SLC9A9: variants seen among roughly 807,000 people sequenced by gnomAD.
SLC9A9 encodes the protein sodium/hydrogen exchanger 9.
SLC9A9 carries 62 observed loss-of-function variants against 77.8 expected under a neutral mutation model. The ratio of observed to expected loss-of-function variants is 0.80; its 90% CI spans 0.65 to 0.98. The LOEUF (loss-of-function observed/expected upper bound fraction) is 0.98, where lower values mean the gene tolerates loss of function less well. SLC9A9 is among the 50% of genes least tolerant of loss of function. The probability of loss-of-function intolerance (pLI) is 0.00; values close to 1 mark genes in which losing one functional copy is unlikely to be tolerated. For synonymous variants in SLC9A9, 320 were observed against 283.5 expected (o/e 1.13, Z -1.29); for missense variants, 775 against 774.9 (o/e 1.00, Z 0.00).
At chr3:143,821,431 T>C (rs6773087) in intron 2 of SLC9A9, among the ~76,000 whole-genome samples, 149,756 of 152,350 alleles carry the variant, frequency 0.98, 73,616 homozygotes, top group East Asian at 1. Flanking sequence ...TTAGATCTAA[T>C]CATAGAACTT....
At chr3:143,413,097 T>C (rs1490486728) in intron 12 of SLC9A9, among the ~76,000 whole-genome samples, 1 of 152,130 alleles carries the variant, frequency 6.6e-6, no homozygotes, top group Non-Finnish European at 1.5e-5. Context: ...ATGGTGATGT[T>C]ATTGAACAGA....
intron 5 of SLC9A9, among the ~76,000 whole-genome samples, chr3:143,666,821 A>G (rs1041419390): frequency 2.0e-5 from 3 of 152,142 alleles, no homozygotes; most frequent in Admixed American, 6.5e-5. Context: ...ACTGCTCAAC[A>G]AAATAAAAGA....
chr3:143,756,244 C>A (rs979559914), intron 4 of SLC9A9, among the ~76,000 whole-genome samples: 1 of 152,180 alleles, frequency 6.6e-6, no homozygotes, highest in Non-Finnish European at 1.5e-5. Flanking sequence ...CATAACTAGA[C>A]CTCAGGTTTC....
intron 6 of SLC9A9, among the ~76,000 whole-genome samples, chr3:143,625,678 G>A (rs576919163): frequency 6.2e-4 from 94 of 152,242 alleles, no homozygotes; most frequent in Admixed American, 2.0e-3. Flanking sequence ...GAAAACCTAG[G>A]CAATACCATT....
At chr3:143,452,430 G>A (rs1369698949) in intron 12 of SLC9A9, among the ~76,000 whole-genome samples, 4 of 148,234 alleles carry the variant, frequency 2.7e-5, no homozygotes, top group Non-Finnish European at 5.9e-5. Flanking sequence ...CCAGGGTGTG[G>A]AATAGTGTAT....
chr3:143,448,016 GA>G (rs1246744127), intron 12 of SLC9A9, among the ~76,000 whole-genome samples: 70 of 152,294 alleles, frequency 4.6e-4, no homozygotes, highest in African/African-American at 1.2e-3. Flanking sequence ...AAGAATGGGG[GA>G]TGGAGGATGG....
intron 12 of SLC9A9, among the ~76,000 whole-genome samples, chr3:143,437,957 T>C (rs1348341232): frequency 6.6e-6 from 1 of 152,250 alleles, no homozygotes; most frequent in Non-Finnish European, 1.5e-5. Context: ...AGGGGAGTTG[T>C]TAGCTTGGCA....
chr3:143,750,557 C>G (rs1251125312), intron 4 of SLC9A9, among the ~76,000 whole-genome samples: 1 of 152,102 alleles, frequency 6.6e-6, no homozygotes, highest in Non-Finnish European at 1.5e-5. Context: ...TAATTCAGCT[C>G]TCCATTTCCC....
intron 4 of SLC9A9, among the ~76,000 whole-genome samples, chr3:143,715,254 C>G (rs1934307084): frequency 1.3e-5 from 2 of 152,142 alleles, no homozygotes; most frequent in African/African-American, 4.8e-5. Flanking sequence ...GTCCTTTGCT[C>G]AAAGGCCACT....
At chr3:143,479,420 A>C (rs552802276) in intron 11 of SLC9A9, among the ~76,000 whole-genome samples, 1 of 148,796 alleles carries the variant, frequency 6.7e-6, no homozygotes, top group East Asian at 2.0e-4. Flanking sequence ...CCTAATTAAA[A>C]AAAAATTTTT....
At chr3:143,317,109 C>G (rs898224190) in intron 14 of SLC9A9, among the ~76,000 whole-genome samples, 1 of 152,160 alleles carries the variant, frequency 6.6e-6, no homozygotes, top group Non-Finnish European at 1.5e-5. Context: ...CAGACCTCCT[C>G]CAAGAGAAAA....
intron 6 of SLC9A9, among the ~76,000 whole-genome samples, chr3:143,602,546 T>C (rs1489259460): frequency 6.6e-6 from 1 of 152,246 alleles, no homozygotes; most frequent in Admixed American, 6.5e-5. Flanking sequence ...TGTTTAATAA[T>C]AGTTATTGTA....
intron 4 of SLC9A9, among the ~76,000 whole-genome samples, chr3:143,781,306 C>T (rs780843185): frequency 6.6e-5 from 10 of 151,960 alleles, no homozygotes; most frequent in East Asian, 3.9e-4. Flanking sequence ...AATATTCTAA[C>T]GAAAAGTTGG....
chr3:143,702,812 G>A (rs62267210), intron 4 of SLC9A9, among the ~76,000 whole-genome samples: 42,737 of 151,682 alleles, frequency 0.28, 7,523 homozygotes, highest in Non-Finnish European at 0.39. Context: ...AGACCCAGTG[G>A]TCTGCTGCCT....
At chr3:143,442,496 T>C (rs981102094) in intron 12 of SLC9A9, among the ~76,000 whole-genome samples, 1 of 151,706 alleles carries the variant, frequency 6.6e-6, no homozygotes, top group African/African-American at 2.4e-5. Context: ...CTGAGGCGGG[T>C]AGATCACCTG....
chr3:143,468,410 A>G (rs1323728101), intron 11 of SLC9A9, among the ~76,000 whole-genome samples: 4 of 152,074 alleles, frequency 2.6e-5, no homozygotes, highest in Non-Finnish European at 4.4e-5. Flanking sequence ...TCTATTTCTC[A>G]GTTCTGTACT....
At chr3:143,745,798 TGAAAGAAAATA>T (rs373876882) in intron 4 of SLC9A9, among the ~76,000 whole-genome samples, 411 of 152,238 alleles carry the variant, frequency 2.7e-3, no homozygotes, top group African/African-American at 9.5e-3. Context: ...CAATGGAGGA[TGAAAGAAAATA>T]AAAAGAAAAG....
At chr3:143,628,513 C>T (rs999374815) in intron 6 of SLC9A9, among the ~76,000 whole-genome samples, 19 of 152,144 alleles carry the variant, frequency 1.2e-4, no homozygotes, top group Middle Eastern at 3.4e-3. Flanking sequence ...GAATGAGTGT[C>T]GCTAAACACT....
chr3:143,449,949 TATACATTATATAATATATATA>T lies in SLC9A9; in HGVS notation c.1469+17067_1469+17087del, dbSNP rs1399366315. Among the ~76,000 whole-genome samples the T allele has an allele frequency of 2.4e-4, 21 of 87,102 alleles. No individual in the cohort carries two copies. In the East Asian group the frequency reaches 6.9e-3, roughly 29 times the overall value. The allele number at this position is 87,102 out of a possible 152,430, so 57.1% of individuals were successfully genotyped here. On this transcript the variant is annotated intron_variant, in intron 12 of 15. Transcript: ENST00000316549. ...TATATTACATGTATATATATTATAATATACATTATATAATATATATAATATATATTATATGTATATATACAT... is the reference window on the plus strand; with the variant it reads ...TATATTACATGTATATATATTATAATATATATATTATATGTATATATACAT...
Sources: gnomAD v4.1 joint callset for allele counts (sites outside exome capture counted in the v4.1 genomes callset) on GRCh38, gnomAD v4.1.1 for gene constraint, MANE v1.5 for transcripts, NCBI Gene and HGNC (gene_info 2026-07-23, HGNC 2026-07-21) for gene names.